Variants in KDM4C observed in about 807,000 individuals in gnomAD.
KDM4C encodes the protein lysine-specific demethylase 4C.
A neutral mutation model predicts 129.3 loss-of-function variants in KDM4C; 81 were observed. The ratio of observed to expected loss-of-function variants is 0.63; its 90% CI spans 0.52 to 0.75. The LOEUF (loss-of-function observed/expected upper bound fraction) is 0.75, where lower values mean the gene tolerates loss of function less well. Among genes scored for constraint, KDM4C ranks in the 30% least tolerant of loss-of-function variants. The probability of loss-of-function intolerance (pLI) is 0.00; values close to 1 mark genes in which losing one functional copy is unlikely to be tolerated. For synonymous variants in KDM4C, 573 were observed against 456.1 expected (o/e 1.26, Z -3.26); for missense variants, 1,457 against 1,304.0 (o/e 1.12, Z -1.81).
chr9:6,977,984 T>C lies in KDM4C; in HGVS notation c.922-2941T>C, dbSNP rs16925023. Among the ~76,000 whole-genome samples, 711 of 152,318 alleles carry C rather than the reference T, an allele frequency of 4.7e-3. 3 individuals carry two copies. The highest frequency in any genetic ancestry group is 0.016 in the African/African-American group (651 of 41,570). ...AATAAGATAACACTAGAAACCTCAA[T>C]GTTCTTGTGGTCAGGTTACCAAAAA... On this transcript the variant is annotated intron_variant, in intron 8 of 21. Coordinates refer to ENST00000381309, the MANE Select transcript of KDM4C (RefSeq NM_015061.6).
At chr9:6,765,204 A>G (rs1438718033) in intron 1 of KDM4C, among the ~76,000 whole-genome samples, 4 of 152,000 alleles carry the variant, frequency 2.6e-5, no homozygotes, top group African/African-American at 9.7e-5. Flanking sequence ...AGCTCCACCC[A>G]TGTCTTATCT....
chr9:6,792,414 A>T (rs1826850164), intron 1 of KDM4C, among the ~76,000 whole-genome samples: 2 of 152,008 alleles, frequency 1.3e-5, no homozygotes, highest in Non-Finnish European at 2.9e-5. Context: ...CTCAGACCAG[A>T]GTCTCACCCT....
intron 1 of KDM4C, among the ~76,000 whole-genome samples, chr9:6,735,549 G>A (rs1817501186): frequency 6.6e-6 from 1 of 152,138 alleles, no homozygotes; most frequent in Non-Finnish European, 1.5e-5. Context: ...AGTCTCATTA[G>A]GTCTGACGGT....
At chr9:6,784,737 A>G (rs1321592526) in intron 1 of KDM4C, among the ~76,000 whole-genome samples, 1 of 152,142 alleles carries the variant, frequency 6.6e-6, no homozygotes, top group African/African-American at 2.4e-5. Flanking sequence ...TGAGAGAGAA[A>G]TGAGTCCTGG....
At chr9:7,145,431 TGGG>T (rs1181282218) in intron 19 of KDM4C, among the ~76,000 whole-genome samples, 1 of 152,104 alleles carries the variant, frequency 6.6e-6, no homozygotes, top group African/African-American at 2.4e-5. Context: ...GACAGGCTGA[TGGG>T]GGGCGCACTC....
chr9:7,107,022 C>T (rs937730974), intron 18 of KDM4C, among the ~76,000 whole-genome samples: 1 of 151,900 alleles, frequency 6.6e-6, no homozygotes, highest in African/African-American at 2.4e-5. Context: ...GTTATTTCAA[C>T]CTAAATTTTT....
At chr9:6,947,117 C>T (rs951288621) in intron 8 of KDM4C, among the ~76,000 whole-genome samples, 1 of 152,142 alleles carries the variant, frequency 6.6e-6, no homozygotes, top group Non-Finnish European at 1.5e-5. Flanking sequence ...ATTTCTAGGT[C>T]CTTCCCAGTG....
chr9:6,946,228 G>A (rs927478046), intron 8 of KDM4C, among the ~76,000 whole-genome samples: 6 of 152,092 alleles, frequency 3.9e-5, no homozygotes, highest in Non-Finnish European at 5.9e-5. Context: ...TGCATTTTCT[G>A]ACTTCGAAAG....
At chr9:6,915,092 A>G (rs1389531172) in intron 8 of KDM4C, among the ~76,000 whole-genome samples, 2 of 152,234 alleles carry the variant, frequency 1.3e-5, no homozygotes, top group Non-Finnish European at 2.9e-5. Context: ...GTTCTAAATC[A>G]TAGAATTTTC....
intron 1 of KDM4C, among the ~76,000 whole-genome samples, chr9:6,761,428 C>A (rs149396914): frequency 4.6e-4 from 69 of 151,560 alleles, no homozygotes; most frequent in African/African-American, 1.6e-3. Context: ...TCTCTGTCTG[C>A]TGTGCTCTGG....
intron 8 of KDM4C, among the ~76,000 whole-genome samples, chr9:6,939,361 C>T (rs1825423481): frequency 6.6e-6 from 1 of 152,058 alleles, no homozygotes; most frequent in Non-Finnish European, 1.5e-5. Context: ...AGGGCATGGC[C>T]TAGTTGCAGG....
intron 3 of KDM4C, among the ~76,000 whole-genome samples, chr9:6,808,229 A>G (rs1830493442): frequency 1.4e-5 from 1 of 73,458 alleles, no homozygotes; most frequent in South Asian, 5.2e-4. Flanking sequence ...CAGGATGACA[A>G]TGGCGGCTTT....
chr9:7,149,041 C>T, intron 19 of KDM4C, among the ~76,000 whole-genome samples: 1 of 152,232 alleles, frequency 6.6e-6, no homozygotes, highest in East Asian at 1.9e-4. Flanking sequence ...AACCTGTCTG[C>T]CTTTTGCCGT....
intron 17 of KDM4C, among the ~76,000 whole-genome samples, chr9:7,086,646 T>C (rs913439970): frequency 6.6e-6 from 1 of 152,198 alleles, no homozygotes; most frequent in African/African-American, 2.4e-5. Flanking sequence ...TTCTCTGGCC[T>C]TTGATTTTCT....
Position 6,928,487 on chromosome 9 carries a change from G to A in KDM4C, c.921+35255G>A, listed in dbSNP as rs567666401. ...CCCTTTGTCATTCCCCTTATTACTC[G>A]GATCTGTGTATCCTACTTCCTCGTG... is the stretch of plus-strand genomic sequence containing the variant. On this transcript the variant is annotated intron_variant, in intron 8 of 21. Transcript: ENST00000381309. 9.9e-5 allele frequency among the ~76,000 whole-genome samples: 15 copies of A among 152,214 alleles called. No homozygotes were observed. The South Asian group carries it at 3.1e-3, about 32-fold the overall frequency.
In KDM4C at chr9:7,175,524, TAAA is replaced by T. The variant is rs1845359577; in HGVS notation, c.*797_*799del. 6.5e-6 allele frequency: 1 copy of T among 152,684 alleles called. No individual in the cohort carries two copies. The highest frequency in any genetic ancestry group is 2.1e-4 in the South Asian group (1 of 4,836). 9.5% of individuals were successfully genotyped at this position (152,684 alleles called of 1,614,324 possible). ...ATATGTTTCTTTCATTATGTGTTTG[TAAA>T]ATTAGAGTTTAAATAAATATGCTTT... On this transcript the variant is annotated 3_prime_UTR_variant, in exon 22 of 22. Transcript: ENST00000381309.
At chr9:6,995,711 G>A (rs896260066) in intron 12 of KDM4C, among the ~76,000 whole-genome samples, 4 of 151,742 alleles carry the variant, frequency 2.6e-5, no homozygotes, top group Non-Finnish European at 4.4e-5. Context: ...TCGCACTGTC[G>A]CCCAGGCTGG....
chr9:7,150,527 G>A (rs1842635697), intron 19 of KDM4C, among the ~76,000 whole-genome samples: 1 of 152,180 alleles, frequency 6.6e-6, no homozygotes, highest in East Asian at 1.9e-4. Context: ...CTCCGAGAGG[G>A]CTGGGTCTTT....
Position 6,842,334 on chromosome 9 carries a change from T to TTTTTTTG in KDM4C, c.436-7173_436-7172insTTTTTTG, listed in dbSNP as rs1554714659. On this transcript the variant is annotated intron_variant, in intron 4 of 21. Transcript: ENST00000381309. ...TTTCTTTTTTTTTTTTTTTTTTTTTTGAGACGGAGTCTTGCTCTGTCACCT... is the reference window on the plus strand; with the variant it reads ...TTTCTTTTTTTTTTTTTTTTTTTTTTTTTTTTGGAGACGGAGTCTTGCTCTGTCACCT... Among the ~76,000 whole-genome samples, 11 of 124,152 alleles carry TTTTTTTG rather than the reference T, an allele frequency of 8.9e-5. 1 individual carries two copies. The highest frequency in any genetic ancestry group is 2.5e-4 in the East Asian group (1 of 3,956). The allele number at this position is 124,152 out of a possible 152,430, so 81.4% of individuals were successfully genotyped here. A position where few individuals can be genotyped will look rare whatever the true frequency, so the allele number is the denominator to read the frequency against.
Sources: allele counts gnomAD v4.1 joint callset (sites outside exome capture counted in the v4.1 genomes callset), GRCh38; gene constraint gnomAD v4.1.1; transcripts MANE v1.5; gene names NCBI Gene and HGNC (gene_info 2026-07-23, HGNC 2026-07-21).